The following PDE4DIP variants were observed in gnomAD, a reference collection of about 807,000 sequenced individuals.
The protein encoded by PDE4DIP is myomegalin.
A neutral mutation model predicts 221.4 loss-of-function variants in PDE4DIP; 59 were observed. That is an observed-to-expected ratio of 0.27 (90% CI 0.22 to 0.33). The LOEUF (loss-of-function observed/expected upper bound fraction) is 0.33, where lower values mean the gene tolerates loss of function less well. Ranked by LOEUF, PDE4DIP falls within the 10% of genes least tolerant of loss-of-function variation. PDE4DIP has a pLI of 1.00. For synonymous variants in PDE4DIP, 404 were observed against 815.9 expected (o/e 0.50, Z 8.60); for missense variants, 1,036 against 2,154.2 (o/e 0.48, Z 10.28).
Position 148,962,253 on chromosome 1 carries a change from GA to G in PDE4DIP, c.949del (p.Met317CysfsTer23). 1 of 1,404,836 alleles carries G rather than the reference GA, an allele frequency of 7.1e-7. No individual in the cohort carries two copies. Among genetic ancestry groups the G allele is most frequent in the Non-Finnish European group, 1.0e-6 (1 of 1,001,086 alleles). The allele number at this position is 1,404,836 out of a possible 1,614,324, so 87.0% of individuals were successfully genotyped here. ...AAATGACACAATGGCAAAGCTTCGA[GA>G]AATGCTGCACCAAAGCCAGCTTGGA... On this transcript the variant is annotated frameshift_variant, in exon 8 of 44. Transcript: ENST00000369354. LOFTEE classifies it high-confidence loss of function.
intron 38 of PDE4DIP, among the ~76,000 whole-genome samples, chr1:149,025,206 T>G (rs2074771451): frequency 6.6e-6 from 1 of 151,518 alleles, no homozygotes; most frequent in South Asian, 2.1e-4. Context: ...CAAGCGGGGA[T>G]TTAGAGAAGT....
intron 1 of PDE4DIP, among the ~76,000 whole-genome samples, chr1:148,924,597 C>G (rs1209448756): frequency 2.7e-5 from 4 of 150,144 alleles, no homozygotes. Context: ...TTCATGTACT[C>G]CAGTCCTGGG....
At chr1:149,015,655 A>G (rs1479376256) in intron 32 of PDE4DIP, among the ~76,000 whole-genome samples, 1 of 151,160 alleles carries the variant, frequency 6.6e-6, no homozygotes, top group Admixed American at 6.6e-5. Flanking sequence ...GTATTCAATG[A>G]TTCTTTAGAC....
chr1:148,922,881 C>T (rs1181633783), intron 1 of PDE4DIP, among the ~76,000 whole-genome samples: 3 of 149,720 alleles, frequency 2.0e-5, no homozygotes, highest in Admixed American at 6.6e-5. Context: ...CCACCGTGCC[C>T]GGCCCTTATT....
intron 20 of PDE4DIP, among the ~76,000 whole-genome samples, chr1:148,980,348 C>T (rs2060879209): frequency 6.6e-6 from 1 of 152,154 alleles, no homozygotes; most frequent in Non-Finnish European, 1.5e-5. Context: ...GCTGGGTTCA[C>T]ACCACTGCAC....
exon 28 of PDE4DIP, chr1:149,007,368 A>G: frequency 9.2e-7 from 1 of 1,083,764 alleles, no homozygotes; most frequent in Non-Finnish European, 1.4e-6. Context: ...TACCTGGGAC[A>G]GAGCTTCCGG....
chr1:149,022,845 T>C (rs2073484221), intron 37 of PDE4DIP, among the ~76,000 whole-genome samples: 1 of 151,732 alleles, frequency 6.6e-6, no homozygotes. Context: ...GACATTAGAA[T>C]CTGGGAAACG....
intron 1 of PDE4DIP, among the ~76,000 whole-genome samples, chr1:148,821,151 A>G (rs1287550988): frequency 6.7e-6 from 1 of 148,586 alleles, no homozygotes; most frequent in African/African-American, 2.5e-5. Flanking sequence ...CAGTGGAACA[A>G]CATAAGAGTA....
At chr1:148,981,841 C>A in intron 21 of PDE4DIP, 1 of 165,504 alleles carries the variant, frequency 6.0e-6, no homozygotes, top group South Asian at 1.6e-4. Context: ...ATTATTTTTG[C>A]CATTCAGTCA....
intron 21 of PDE4DIP, chr1:148,982,266 A>G (rs587693262): frequency 1.5e-4 from 23 of 152,350 alleles, no homozygotes; most frequent in African/African-American, 5.5e-4. Flanking sequence ...TCTGTTTACA[A>G]AGATAATTTC....
intron 1 of PDE4DIP, among the ~76,000 whole-genome samples, chr1:148,902,740 A>ATATC (rs1482590610): frequency 3.1e-5 from 3 of 97,778 alleles, no homozygotes; most frequent in Non-Finnish European, 5.6e-5. Flanking sequence ...ATATATATAT[A>ATATC]TATCCATCAT....
At chr1:149,021,253 A>G (rs2072765710) in intron 37 of PDE4DIP, 100 bp downstream of exon 40, 1 of 811,216 alleles carries the variant, frequency 1.2e-6, no homozygotes. Context: ...GGGAAGCTAC[A>G]GAGTTCTGTT....
chr1:148,984,487 C>T (rs1200672647), intron 21 of PDE4DIP: 5 of 152,034 alleles, frequency 3.3e-5, no homozygotes, highest in Non-Finnish European at 7.4e-5. Context: ...ATTCTATTTA[C>T]ACAGTTTATG....
At chr1:148,847,817 GA>G (rs1203284494) in intron 1 of PDE4DIP, among the ~76,000 whole-genome samples, 1 of 8,980 alleles carries the variant, frequency 1.1e-4, no homozygotes, top group Non-Finnish European at 1.8e-4. Context: ...GCAGTGAGCC[GA>G]GATCGCACCA....
intron 3 of PDE4DIP, among the ~76,000 whole-genome samples, chr1:148,877,219 A>G (rs1422137953): frequency 6.7e-6 from 1 of 150,248 alleles, no homozygotes; most frequent in African/African-American, 2.5e-5. Flanking sequence ...GGCAACAGCA[A>G]TTTGACTGAA....
Position 149,012,782 on chromosome 1 carries a change from C to A in PDE4DIP, c.5266+6C>A, listed in dbSNP as rs781910242. 18 of 1,585,746 alleles carry A rather than the reference C, an allele frequency of 1.1e-5. No homozygotes were observed. The East Asian group carries it at 3.8e-4, about 34-fold the overall frequency. Reference sequence around the variant, plus strand: ...GCAGAAGCAGTTGGGAGAAAGTGAGCACTTCTGCATTTGTGTGCTTGCGAT... The same window carrying A: ...GCAGAAGCAGTTGGGAGAAAGTGAGAACTTCTGCATTTGTGTGCTTGCGAT... On this transcript the variant is annotated splice_donor_region_variant and intron_variant, in intron 32 of 43. Transcript: ENST00000369354.
rs2149302966 is a variant in PDE4DIP at position 148,889,860 on chromosome 1, AGT to A, written c.108_109del (p.Tyr37Ter). On this transcript the variant is annotated frameshift_variant, in exon 1 of 44. Coordinates refer to ENST00000369354, the Ensembl canonical transcript of PDE4DIP. LOFTEE classifies it high-confidence loss of function. ...TTCCTGGAGGAGCGCATGCAACAGA[AGT>A]ATGAGGCCAGCCGGGAGGACATCTA... is the stretch of plus-strand genomic sequence containing the variant. The A allele has an allele frequency of 2.3e-6, 1 of 429,738 alleles. No individual in the cohort carries two copies. The highest frequency in any genetic ancestry group is 4.1e-6 in the Non-Finnish European group (1 of 241,040). The allele number at this position is 429,738 out of a possible 1,614,324, so 26.6% of individuals were successfully genotyped here. A position where few individuals can be genotyped will look rare whatever the true frequency, so the allele number is the denominator to read the frequency against.
At position 148,912,089 on chromosome 1, in the gene PDE4DIP, A is replaced by G. The variant is rs1158931490; in HGVS notation, c.142-17108A>G. ...CACACGGTAGTTTGTGGACCACACT[A>G]CCTTTTACTTTTTTTTTTTGAAAGG... On this transcript the variant is annotated intron_variant, in intron 1 of 43. Transcript: ENST00000369354. 2.1e-5 allele frequency among the ~76,000 whole-genome samples: 3 copies of G among 143,590 alleles called. No individual in the cohort carries two copies. The East Asian group carries it at 5.8e-4, about 28-fold the overall frequency. The allele number at this position is 143,590 out of a possible 152,430, so 94.2% of individuals were successfully genotyped here. A position where few individuals can be genotyped will look rare whatever the true frequency, so the allele number is the denominator to read the frequency against.
intron 1 of PDE4DIP, among the ~76,000 whole-genome samples, chr1:148,890,259 A>T (rs1553435483): frequency 6.2e-5 from 3 of 48,070 alleles, no homozygotes; most frequent in Admixed American, 2.3e-4. Flanking sequence ...GTGGGGGGAG[A>T]GGGTGGGGCT....
Sources: allele counts gnomAD v4.1 joint callset (sites outside exome capture counted in the v4.1 genomes callset), GRCh38; gene constraint gnomAD v4.1.1; transcripts MANE v1.5; gene names NCBI Gene and HGNC (gene_info 2026-07-23, HGNC 2026-07-21).